KIF7: variants seen among roughly 807,000 people sequenced by gnomAD.
KIF7 encodes the protein kinesin family member 7, also known as kinesin-like protein KIF7.
Under a neutral mutation model 135.7 loss-of-function variants are expected in KIF7, and 104 were observed. The observed-to-expected ratio is 0.77, with a 90% CI of 0.65 to 0.90. The LOEUF is 0.90. Among genes scored for constraint, KIF7 ranks in the 40% least tolerant of loss-of-function variants. The probability of loss-of-function intolerance (pLI) is 0.00; values close to 1 mark genes in which losing one functional copy is unlikely to be tolerated. For missense variants in KIF7, 2,005 were observed against 1,839.1 expected, an observed-to-expected ratio of 1.09 and a Z score of -1.65; for synonymous variants, 883 against 809.4, an observed-to-expected ratio of 1.09 and a Z score of -1.54.
downstream of KIF7, chr15:89,627,106 CAA>C: frequency 6.2e-7 from 1 of 1,613,398 alleles, no homozygotes; most frequent in Non-Finnish European, 8.5e-7. Flanking sequence ...TTACTGAGCC[CAA>C]AAGATCAAGG....
At position 89,628,228 on chromosome 15, in the gene KIF7, A is replaced by G. The variant is rs559070002; in HGVS notation, c.*191T>C. On this transcript the variant is annotated 3_prime_UTR_variant, in exon 19 of 19. Coordinates refer to ENST00000394412, the MANE Select transcript of KIF7 (RefSeq NM_198525.3). ...ATGGAAGTAAGTGGTGGGAATTTGC[A>G]TATTATTTTGTTAAATGAGGGTCCA... The G allele has an allele frequency of 4.9e-6, 3 of 611,528 alleles. No individual in the cohort carries two copies. The highest frequency in any genetic ancestry group is 6.5e-5 in the South Asian group (2 of 30,940). 37.9% of individuals were successfully genotyped at this position (611,528 alleles called of 1,614,324 possible). A position where few individuals can be genotyped will look rare whatever the true frequency, so the allele number is the denominator to read the frequency against.
At chr15:89,632,792 G>C (rs370197807) in intron 14 of KIF7, 28 bp downstream of exon 14, 129 of 1,593,816 alleles carry the variant, frequency 8.1e-5, no homozygotes, top group Non-Finnish European at 1.1e-4. Context: ...GACCTCACCT[G>C]GCAGGATCTC....
chr15:89,648,060 A>G (rs367791645), intron 5 of KIF7, among the ~76,000 whole-genome samples, 195 bp downstream of exon 5: 1 of 152,156 alleles, frequency 6.6e-6, no homozygotes, highest in Non-Finnish European at 1.5e-5. Context: ...GGTTATCCCT[A>G]TTTTACAGCT....
Position 89,652,935 on chromosome 15 carries a change from A to C in KIF7, c.-5T>G, listed in dbSNP as rs62021460. The stretch of plus-strand genomic sequence containing the variant: ...CCTCTGAGCCTCCAGCCCCATGCCG[A>C]GGGAGGACTGCTCTGGGCCCTGTGG... On this transcript the variant is annotated 5_prime_UTR_variant, in exon 2 of 19. Transcript: ENST00000394412. 75,071 of 1,507,096 alleles carry C rather than the reference A, an allele frequency of 0.05. 2,058 individuals are homozygous for C. The highest frequency in any genetic ancestry group is 0.089 in the East Asian group (3,579 of 40,370). The allele number at this position is 1,507,096 out of a possible 1,614,324, so 93.4% of individuals were successfully genotyped here. A position where few individuals can be genotyped will look rare whatever the true frequency, so the allele number is the denominator to read the frequency against.
At chr15:89,642,634 A>C (rs1024872894) in intron 10 of KIF7, among the ~76,000 whole-genome samples, 3 of 152,232 alleles carry the variant, frequency 2.0e-5, no homozygotes, top group Non-Finnish European at 2.9e-5. Context: ...CAGTGGCGCA[A>C]TCTTGGCTCA....
At chr15:89,647,201 C>T (rs1288466266) in intron 6 of KIF7, 144 bp from the exon 7 acceptor site, 4 of 731,774 alleles carry the variant, frequency 5.5e-6, no homozygotes, top group East Asian at 5.4e-5. Context: ...TCCCCAACAA[C>T]TCTGTAGGAG....
At chr15:89,645,501 C>T in intron 8 of KIF7, 50 bp from the exon 9 acceptor site, 1 of 1,433,208 alleles carries the variant, frequency 7.0e-7, no homozygotes, top group African/African-American at 1.4e-5. Context: ...CCTGCCCCAG[C>T]CTAGCCACCC....
At chr15:89,642,154 A>G (rs775796933) in intron 11 of KIF7, 49 bp downstream of exon 11, 66 of 1,572,644 alleles carry the variant, frequency 4.2e-5, no homozygotes, top group Non-Finnish European at 2.0e-5. Flanking sequence ...ATGGCAGCCT[A>G]GGAGGCAGGA....
intron 11 of KIF7, among the ~76,000 whole-genome samples, chr15:89,636,042 G>T (rs1485990027): frequency 6.6e-6 from 1 of 152,016 alleles, no homozygotes; most frequent in African/African-American, 2.4e-5. Flanking sequence ...TTAAAGAAAA[G>T]AATTTTCAAC....
intron 14 of KIF7, 96 bp from the exon 15 acceptor site, chr15:89,631,806 C>A: frequency 9.3e-7 from 1 of 1,080,982 alleles, no homozygotes; most frequent in Non-Finnish European, 1.3e-6. Context: ...TTGCGTCCTT[C>A]CCTCAAGAAA....
At chr15:89,636,243 A>G (rs2142006884) in intron 11 of KIF7, among the ~76,000 whole-genome samples, 1 of 151,984 alleles carries the variant, frequency 6.6e-6, no homozygotes, top group East Asian at 1.9e-4. Context: ...TGTAAAGACC[A>G]TCGAGACTAG....
chr15:89,619,951 T>C, intron 1 of KIF7: 1 of 1,336,544 alleles, frequency 7.5e-7, no homozygotes, highest in Non-Finnish European at 1.0e-6. Context: ...ATTGGAGAAG[T>C]AGAATAGGTA....
chr15:89,626,526 A>G (rs1012564007), downstream of KIF7, among the ~76,000 whole-genome samples: 3 of 152,042 alleles, frequency 2.0e-5, no homozygotes, highest in African/African-American at 7.2e-5. Context: ...CCCAAAAGAC[A>G]AGGATTTGGC....
chr15:89,631,635 G>C lies in KIF7; in HGVS notation c.2971C>G (p.Gln991Glu). The change falls in exon 15 of 19, where the codon CAG becomes GAG. Residue 991 changes from glutamine (Q) to glutamate (E), a missense_variant. Gln to Glu is a conservative substitution (Grantham distance 29, BLOSUM62 2). Transcript: ENST00000394412. ...LEKELSEKSG[Q>E]LRQGSAQSQQ... is the part of the protein sequence containing the mutation. ...CTCTGGGCGCTGCCCTGCCGCAGCTGCCCGCTCTTCTCGGACAGCTCCTTC... is the reference window on the plus strand; with the variant it reads ...CTCTGGGCGCTGCCCTGCCGCAGCTCCCCGCTCTTCTCGGACAGCTCCTTC... 1 of 1,562,480 alleles carries C rather than the reference G, an allele frequency of 6.4e-7. No individual in the cohort carries two copies. The highest frequency in any genetic ancestry group is 1.4e-5 in the African/African-American group (1 of 73,584).
At chr15:89,624,042 C>T, downstream of KIF7, 1 of 1,614,076 alleles carries the variant, frequency 6.2e-7, no homozygotes, top group East Asian at 2.2e-5. Flanking sequence ...TCACTCCCAT[C>T]AGAGACCCTC....
chr15:89,628,386 G>A lies in KIF7; in HGVS notation c.*33C>T. ...AGCTGCCCCTTTCAGCAGGCTCGGAGTCTCCCTCCAAGGCAGGGTCTGCCC... is the reference window on the plus strand; with the variant it reads ...AGCTGCCCCTTTCAGCAGGCTCGGAATCTCCCTCCAAGGCAGGGTCTGCCC... On this transcript the variant is annotated 3_prime_UTR_variant, in exon 19 of 19. Coordinates refer to ENST00000394412, the MANE Select transcript of KIF7 (RefSeq NM_198525.3). 1 of 1,576,794 alleles carries A rather than the reference G, an allele frequency of 6.3e-7. No individual in the cohort carries two copies. Among genetic ancestry groups the A allele is most frequent in the Non-Finnish European group, 8.6e-7 (1 of 1,162,756 alleles).
At chr15:89,623,576 C>A, downstream of KIF7, 1 of 1,539,820 alleles carries the variant, frequency 6.5e-7, no homozygotes, top group East Asian at 2.3e-5. Flanking sequence ...CTTCAGAGAT[C>A]ATGAGTTATA....
rs377398619 is a variant in KIF7, at chr15:89,629,350, G to T, written c.3517+25C>A. 35 of 1,560,592 alleles carry T rather than the reference G, an allele frequency of 2.2e-5. No individual in the cohort carries two copies. The African/African-American group carries it at 3.9e-4, about 17-fold the overall frequency. On this transcript the variant is annotated intron_variant, in intron 17 of 18. Transcript: ENST00000394412. ...GGGGGGGATGGAGGGGGCCGGGGTT[G>T]TGAGCCATGGGCCGGGCTGCTCACC...
chr15:89,619,987 G>T, intron 1 of KIF7: 1 of 943,140 alleles, frequency 1.1e-6, no homozygotes, highest in Middle Eastern at 2.2e-4. Context: ...CAGGGTGATG[G>T]CTAGATGGAC....
Sources: gnomAD v4.1 joint callset for allele counts (sites outside exome capture counted in the v4.1 genomes callset) on GRCh38, gnomAD v4.1.1 for gene constraint, MANE v1.5 for transcripts, NCBI Gene and HGNC (gene_info 2026-07-23, HGNC 2026-07-21) for gene names.